Variants in RIN2 observed in about 807,000 individuals in gnomAD.
The protein encoded by RIN2 is Ras and Rab interactor 2.
Under a neutral mutation model 78.0 loss-of-function variants are expected in RIN2, and 36 were observed. The observed-to-expected ratio is 0.46, with a 90% confidence interval of 0.35 to 0.61. The LOEUF is 0.61. RIN2 is among the 20% of genes least tolerant of loss of function. RIN2 has a pLI of 0.00. For missense variants in RIN2, 1,087 were observed against 1,159.7 expected, an observed-to-expected ratio of 0.94 and a Z score of 0.91; for synonymous variants, 466 against 466.8, an observed-to-expected ratio of 1.00 and a Z score of 0.02.
chr20:19,896,025 A>AATGGAGTTTT, intron 3 of RIN2: 1 of 152,348 alleles, frequency 6.6e-6, no homozygotes, highest in East Asian at 1.9e-4. Flanking sequence ...GATTCCCAGT[A>AATGGAGTTTT]ATGGAGTTTT....
intron 2 of RIN2, among the ~76,000 whole-genome samples, chr20:19,873,815 TC>T (rs2037769134): frequency 6.6e-6 from 1 of 152,198 alleles, no homozygotes; most frequent in Admixed American, 6.5e-5. Context: ...ATACAGTTGA[TC>T]CTCATTATTT....
At chr20:19,888,808 A>G (rs1156837473) in intron 2 of RIN2, among the ~76,000 whole-genome samples, 1 of 152,214 alleles carries the variant, frequency 6.6e-6, no homozygotes, top group African/African-American at 2.4e-5. Flanking sequence ...TTAACTTAGA[A>G]CTGAATGTTG....
rs751848228 is a variant in RIN2 at position 19,935,079 on chromosome 20, C to T, written c.58-20C>T. 3 of 1,566,070 alleles carry T rather than the reference C, an allele frequency of 1.9e-6. No individual in the cohort carries two copies. The highest frequency in any genetic ancestry group is 1.7e-6 in the Non-Finnish European group (2 of 1,153,448). ...CGCCTCTCCACTTCCTGACGTCATA[C>T]TATTTTTGTCTTTGAATAGCTCATT... On this transcript the variant is annotated intron_variant, in intron 3 of 12. Coordinates refer to ENST00000255006, the MANE Select transcript of RIN2 (RefSeq NM_018993.4).
chr20:19,812,070 T>TA (rs1555824276), intron 2 of RIN2, among the ~76,000 whole-genome samples: 1 of 152,118 alleles, frequency 6.6e-6, no homozygotes, highest in Non-Finnish European at 1.5e-5. Flanking sequence ...TCTTTTTTTT[T>TA]ACCACTGAAT....
At chr20:19,962,379 T>A (rs749444986) in intron 6 of RIN2, among the ~76,000 whole-genome samples, 1 of 151,914 alleles carries the variant, frequency 6.6e-6, no homozygotes, top group Non-Finnish European at 1.5e-5. Context: ...TCCTCCCTAA[T>A]GTCCAAAGTG....
intron 3 of RIN2, among the ~76,000 whole-genome samples, chr20:19,931,664 A>G (rs370858806): frequency 1.5e-4 from 22 of 148,402 alleles, no homozygotes; most frequent in African/African-American, 5.2e-4. Flanking sequence ...GAACGTTTGC[A>G]TGGTTTTAAA....
chr20:19,929,106 T>C (rs1383700315), intron 3 of RIN2, among the ~76,000 whole-genome samples: 1 of 152,138 alleles, frequency 6.6e-6, no homozygotes, highest in East Asian at 1.9e-4. Context: ...TATCTGACCC[T>C]CTGGCTGCAC....
intron 4 of RIN2, among the ~76,000 whole-genome samples, chr20:19,952,214 T>C (rs1037044478): frequency 6.6e-6 from 1 of 152,200 alleles, no homozygotes; most frequent in African/African-American, 2.4e-5. Context: ...CATATCAGTA[T>C]GTCACTGGCA....
chr20:19,844,574 AGCTGCTGCT>A lies in RIN2; in HGVS notation c.-37+44840_-37+44848del, dbSNP rs67145587. On this transcript the variant is annotated intron_variant, in intron 2 of 12. Coordinates refer to ENST00000255006, the MANE Select transcript of RIN2 (RefSeq NM_018993.4). Reference sequence around the variant, plus strand: ...TGGTGGAGAACATGGCCAACTAGAGAGCTGCTGCTGCTGCTGCTGCTTCTTCCTCTTCTT... The same window carrying A: ...TGGTGGAGAACATGGCCAACTAGAGAGCTGCTGCTGCTTCTTCCTCTTCTT... Among the ~76,000 whole-genome samples the A allele has an allele frequency of 1.5e-3, 206 of 139,804 alleles. 1 individual carries two copies. Among genetic ancestry groups the A allele is most frequent in the African/African-American group, 5.1e-3 (190 of 37,554 alleles). 91.7% of individuals were successfully genotyped at this position (139,804 alleles called of 152,430 possible). A position where few individuals can be genotyped will look rare whatever the true frequency, so the allele number is the denominator to read the frequency against.
chr20:19,810,177 T>C (rs2035543016), intron 2 of RIN2, among the ~76,000 whole-genome samples: 1 of 151,236 alleles, frequency 6.6e-6, no homozygotes, highest in South Asian at 2.1e-4. Context: ...GGCAGGTGGA[T>C]TTCTTGAGGT....
At chr20:19,845,517 G>A (rs1464775705) in intron 2 of RIN2, among the ~76,000 whole-genome samples, 1 of 151,632 alleles carries the variant, frequency 6.6e-6, no homozygotes, top group Non-Finnish European at 1.5e-5. Flanking sequence ...ATGTTTGTTG[G>A]CCACATAAAT....
chr20:19,776,370 T>A (rs1228754906), intron 1 of RIN2, among the ~76,000 whole-genome samples: 1 of 152,182 alleles, frequency 6.6e-6, no homozygotes, highest in Non-Finnish European at 1.5e-5. Flanking sequence ...AAAACTTTAC[T>A]CTCCACAACC....
intron 2 of RIN2, among the ~76,000 whole-genome samples, chr20:19,814,592 A>G (rs192409110): frequency 6.6e-5 from 10 of 152,240 alleles, no homozygotes; most frequent in Admixed American, 3.9e-4. Flanking sequence ...TCTCTGGTCT[A>G]TAGTAATTTT....
chr20:19,855,828 C>T (rs1600631613), intron 2 of RIN2, among the ~76,000 whole-genome samples: 1 of 152,162 alleles, frequency 6.6e-6, no homozygotes, highest in African/African-American at 2.4e-5. Flanking sequence ...GTAATCCTAG[C>T]ACTTTGGGAG....
At chr20:19,850,403 C>G (rs1329656961) in intron 2 of RIN2, among the ~76,000 whole-genome samples, 1 of 152,116 alleles carries the variant, frequency 6.6e-6, no homozygotes, top group South Asian at 2.1e-4. Context: ...GTTACGTATC[C>G]CATCATCAGT....
At chr20:19,870,701 G>A (rs1389670224) in intron 2 of RIN2, among the ~76,000 whole-genome samples, 1 of 152,170 alleles carries the variant, frequency 6.6e-6, no homozygotes, top group East Asian at 1.9e-4. Flanking sequence ...TGTTTTTCAC[G>A]ACATTGATAT....
Position 19,941,483 on chromosome 20 carries a change from T to C in RIN2, c.158+6284T>C, listed in dbSNP as rs73283450. Among the ~76,000 whole-genome samples, 446 of 152,272 alleles carry C rather than the reference T, an allele frequency of 2.9e-3. 3 individuals carry two copies. The highest frequency in any genetic ancestry group is 0.01 in the African/African-American group (424 of 41,552). On this transcript the variant is annotated intron_variant, in intron 4 of 12. Transcript: ENST00000255006. ...CTTTTTAAATAATTTTCCACTGAAG[T>C]AAAACATAACTCAGCAAAATTGCAC...
intron 2 of RIN2, among the ~76,000 whole-genome samples, chr20:19,860,887 A>G (rs2037313650): frequency 6.6e-6 from 1 of 152,220 alleles, no homozygotes; most frequent in African/African-American, 2.4e-5. Context: ...ACGAAGAAAA[A>G]AGCCATAAAA....
At chr20:19,943,975 CTTTT>C (rs58524523) in intron 4 of RIN2, among the ~76,000 whole-genome samples, 4,936 of 95,518 alleles carry the variant, frequency 0.052, 113 homozygotes, top group East Asian at 0.092. Flanking sequence ...TTTCAATATC[CTTTT>C]TTTTTTTTTT....
Sources: allele counts gnomAD v4.1 joint callset (sites outside exome capture counted in the v4.1 genomes callset), GRCh38; gene constraint gnomAD v4.1.1; transcripts MANE v1.5; gene names NCBI Gene and HGNC (gene_info 2026-07-23, HGNC 2026-07-21).